NEK11: variants seen among roughly 807,000 people sequenced by gnomAD.
NEK11 encodes the protein serine/threonine-protein kinase Nek11.
In NEK11, 72 loss-of-function variants were observed where a neutral mutation model predicts 80.7. The observed-to-expected ratio is 0.89, with a 90% confidence interval of 0.74 to 1.08. The LOEUF (loss-of-function observed/expected upper bound fraction) is 1.08. NEK11 is among the 50% of genes least tolerant of loss of function. The pLI, the probability that NEK11 is intolerant of heterozygous loss-of-function variation, is 0.00. For missense variants in NEK11, 764 were observed against 763.6 expected (o/e 1.00, Z -0.01); for synonymous variants, 251 against 260.7 (o/e 0.96, Z 0.36).
intron 14 of NEK11, among the ~76,000 whole-genome samples, chr3:131,196,922 G>A (rs1312105679): frequency 2.0e-5 from 3 of 151,642 alleles, no homozygotes; most frequent in African/African-American, 7.3e-5. Flanking sequence ...ACAAAGGGAG[G>A]GGACCCAAAA....
chr3:131,064,803 G>A (rs1451141081), intron 3 of NEK11, among the ~76,000 whole-genome samples: 1 of 152,008 alleles, frequency 6.6e-6, no homozygotes, highest in Non-Finnish European at 1.5e-5. Context: ...TTATGGACCA[G>A]TCAGGCAAAC....
intron 4 of NEK11, among the ~76,000 whole-genome samples, chr3:131,093,400 C>T (rs2076994765): frequency 6.8e-6 from 1 of 147,404 alleles, no homozygotes; most frequent in South Asian, 2.2e-4. Flanking sequence ...AATCTAAAAA[C>T]CCAATCATGT....
intron 14 of NEK11, among the ~76,000 whole-genome samples, chr3:131,213,879 C>T (rs951276925): frequency 1.3e-5 from 2 of 152,112 alleles, no homozygotes; most frequent in Admixed American, 6.5e-5. Context: ...GATGATATTT[C>T]GAGATGAGGC....
At chr3:131,087,235 C>CTTTTTTTTT (rs59630167) in intron 4 of NEK11, among the ~76,000 whole-genome samples, 1 of 81,204 alleles carries the variant, frequency 1.2e-5, no homozygotes, top group Non-Finnish European at 2.3e-5. Context: ...TATGCAAATT[C>CTTTTTTTTT]TTTTTTTTTT....
intron 4 of NEK11, among the ~76,000 whole-genome samples, chr3:131,102,971 G>T (rs1011158392): frequency 1.6e-4 from 24 of 152,060 alleles, no homozygotes; most frequent in Admixed American, 2.6e-4. Flanking sequence ...TAATACTTTT[G>T]ATTATATTAT....
At chr3:131,300,679 G>A (rs1177671667) in intron 17 of NEK11, among the ~76,000 whole-genome samples, 5 of 152,010 alleles carry the variant, frequency 3.3e-5, no homozygotes, top group Admixed American at 6.6e-5. Context: ...GTCCAAGATC[G>A]GATGGTTGTA....
chr3:131,348,910 C>G (rs1284982457), intron 17 of NEK11, among the ~76,000 whole-genome samples: 1 of 152,016 alleles, frequency 6.6e-6, no homozygotes, highest in Non-Finnish European at 1.5e-5. Flanking sequence ...AAGGACCTGG[C>G]AAGTGGCAAA....
At chr3:131,289,617 C>T (rs994251565) in intron 17 of NEK11, among the ~76,000 whole-genome samples, 3 of 152,088 alleles carry the variant, frequency 2.0e-5, no homozygotes, top group African/African-American at 7.2e-5. Context: ...CTTAGTGTCA[C>T]CTGTGACAGA....
At chr3:131,030,312 C>T (rs868137099) in intron 3 of NEK11, among the ~76,000 whole-genome samples, 6 of 151,804 alleles carry the variant, frequency 4.0e-5, no homozygotes, top group Middle Eastern at 6.9e-3. Context: ...TATAGGTAAG[C>T]TCCCTAATTA....
At chr3:131,213,170 A>G (rs2094693040) in intron 14 of NEK11, among the ~76,000 whole-genome samples, 2 of 147,950 alleles carry the variant, frequency 1.4e-5, no homozygotes, top group South Asian at 2.2e-4. Context: ...CAACTCCTTA[A>G]ACCCCCCATG....
chr3:131,176,141 G>C (rs922493280), intron 14 of NEK11, among the ~76,000 whole-genome samples: 5 of 152,134 alleles, frequency 3.3e-5, no homozygotes, highest in African/African-American at 1.2e-4. Flanking sequence ...GAGTAGCAGA[G>C]AGCCCTACCA....
chr3:131,155,115 A>G lies in NEK11; in HGVS notation c.956A>G (p.Asn319Ser). 6.3e-7 allele frequency: 1 copy of G among 1,599,834 alleles called. No individual in the cohort carries two copies. The part of the protein sequence containing the change: ...DCQKEAAHII[N>S]AMQKRIHLQT... Reference sequence around the variant, plus strand: ...CAGAAGGAGGCTGCTCATATAATTAATGCCATGTAAGTAATTGCTTTGTTT... The same window carrying G: ...CAGAAGGAGGCTGCTCATATAATTAGTGCCATGTAAGTAATTGCTTTGTTT... Residue 319 changes from asparagine (N) to serine (S), a missense_variant, in exon 10 of 18, where the codon AAT becomes AGT. Asn to Ser is a conservative substitution (Grantham distance 46). Coordinates refer to ENST00000383366, the MANE Select transcript of NEK11 (RefSeq NM_024800.5).
intron 16 of NEK11, among the ~76,000 whole-genome samples, chr3:131,273,137 C>T (rs886702853): frequency 6.6e-6 from 1 of 152,276 alleles, no homozygotes; most frequent in South Asian, 2.1e-4. Flanking sequence ...AGAGAATGGC[C>T]AAAGGGTCCT....
At chr3:131,107,380 A>G (rs1474158332) in intron 4 of NEK11, among the ~76,000 whole-genome samples, 2 of 151,982 alleles carry the variant, frequency 1.3e-5, no homozygotes, top group East Asian at 3.9e-4. Flanking sequence ...ATAAAAAAAA[A>G]AGAAGCTAGC....
At chr3:131,225,374 CA>C (rs1344374588) in intron 14 of NEK11, among the ~76,000 whole-genome samples, 2 of 152,126 alleles carry the variant, frequency 1.3e-5, no homozygotes, top group Non-Finnish European at 2.9e-5. Flanking sequence ...GATGTTCACA[CA>C]ATGATGAAAT....
intron 15 of NEK11, among the ~76,000 whole-genome samples, chr3:131,231,340 A>G (rs1016304533): frequency 6.6e-6 from 1 of 150,590 alleles, no homozygotes. Flanking sequence ...GTAGCTAGGC[A>G]AGGATCAGAC....
At chr3:131,325,649 G>C (rs2096955530) in intron 17 of NEK11, 1 of 152,050 alleles carries the variant, frequency 6.6e-6, no homozygotes, top group African/African-American at 2.4e-5. Flanking sequence ...TTGCAAATTA[G>C]GAACAGTCAC....
At chr3:131,346,720 G>A (rs1311785931) in intron 17 of NEK11, among the ~76,000 whole-genome samples, 1 of 152,164 alleles carries the variant, frequency 6.6e-6, no homozygotes, top group Non-Finnish European at 1.5e-5. Context: ...TGGGGGTAGA[G>A]TCGAAGTGAA....
intron 3 of NEK11, among the ~76,000 whole-genome samples, chr3:131,033,116 C>A (rs1345853266): frequency 1.3e-5 from 2 of 151,858 alleles, no homozygotes; most frequent in African/African-American, 4.8e-5. Context: ...AGAATGTGAA[C>A]CTTTTAGCTA....
Sources: gnomAD v4.1 joint callset for allele counts (sites outside exome capture counted in the v4.1 genomes callset) on GRCh38, gnomAD v4.1.1 for gene constraint, MANE v1.5 for transcripts, NCBI Gene and HGNC (gene_info 2026-07-23, HGNC 2026-07-21) for gene names.